P2RY10: variants seen among roughly 807,000 people sequenced by gnomAD.
P2RY10 encodes the protein putative P2Y purinoceptor 10.
Under a neutral mutation model 12.1 loss-of-function variants are expected in P2RY10, and 4 were observed. The ratio of observed to expected loss-of-function variants is 0.33; its 90% CI spans 0.16 to 0.76. The LOEUF is 0.76. Among genes scored for constraint, P2RY10 ranks in the 30% least tolerant of loss-of-function variants. The pLI, the probability that P2RY10 is intolerant of heterozygous loss-of-function variation, is 0.61. For synonymous variants in P2RY10, 112 were observed against 94.1 expected (o/e 1.19, Z -1.10); for missense variants, 233 against 264.6 (o/e 0.88, Z 0.83).
At chrX:78,952,123 A>G (rs1445744869) in intron 2 of P2RY10, 70 bp from the exon 3 acceptor site, 2 of 481,845 alleles carry the variant, frequency 4.2e-6, no homozygotes, top group Non-Finnish European at 5.1e-6. Context: ...TATAGTATTT[A>G]GAGACACACT....
At position 78,963,701 on chromosome X, in the gene P2RY10, A is replaced by C. The variant is rs1048320665; in HGVS notation, c.*2161A>C. Among the ~76,000 whole-genome samples the C allele has an allele frequency of 8.9e-6, 1 of 112,384 alleles. No individual in the cohort carries two copies. Among genetic ancestry groups the C allele is most frequent in the African/African-American group, 3.2e-5 (1 of 30,944 alleles). ...TAATGTGGTGAGAGAGAAAAACATA[A>C]AAATATAAAAACATTCAAGCAATCG... On this transcript the variant is annotated 3_prime_UTR_variant, in exon 4 of 4. Transcript: ENST00000171757.
In P2RY10 at chrX:78,961,237, G is replaced by A. The variant is rs1167121880; in HGVS notation, c.717G>A (p.Gln239=). ...CTTTCCAAGGGATCAGTGAGAGGCAGAAAGCACTGCGGATGGTGTTCATGT... is the reference window on the plus strand; with the variant it reads ...CTTTCCAAGGGATCAGTGAGAGGCAAAAAGCACTGCGGATGGTGTTCATGT... The part of the protein sequence containing the change: ...PMAFQGISER[Q]KALRMVFMCA... Residue 239 remains glutamine, a synonymous_variant, in exon 4 of 4, where the codon CAG becomes CAA. Coordinates refer to ENST00000171757, the MANE Select transcript of P2RY10 (RefSeq NM_014499.4). The A allele has an allele frequency of 3.3e-6, 4 of 1,208,859 alleles. No individual in the cohort carries two copies. The East Asian group carries it at 8.9e-5, about 27-fold the overall frequency.
chrX:78,954,212 G>A (rs1481332941), intron 3 of P2RY10, among the ~76,000 whole-genome samples: 3 of 110,910 alleles, frequency 2.7e-5, no homozygotes, highest in Non-Finnish European at 3.8e-5. Flanking sequence ...TGATGATATC[G>A]CATCTCTTCA....
chrX:78,950,165 G>A (rs1386463713), intron 2 of P2RY10, among the ~76,000 whole-genome samples: 1 of 111,281 alleles, frequency 9.0e-6, no homozygotes, highest in Non-Finnish European at 1.9e-5. Flanking sequence ...ACTTACTGAT[G>A]AGTGGTGAAA....
chrX:78,958,702 A>T (rs1380639318), intron 3 of P2RY10, among the ~76,000 whole-genome samples: 1 of 112,107 alleles, frequency 8.9e-6, no homozygotes, highest in African/African-American at 3.2e-5. Flanking sequence ...CATGATAATT[A>T]TTTCCTGCCT....
chrX:78,956,663 G>A (rs1224400969), intron 3 of P2RY10, among the ~76,000 whole-genome samples: 2 of 110,338 alleles, frequency 1.8e-5, no homozygotes, highest in Non-Finnish European at 3.8e-5. Context: ...ATGATGTATA[G>A]GATTACCTAG....
intron 3 of P2RY10, among the ~76,000 whole-genome samples, chrX:78,952,876 C>A (rs996710395): frequency 9.0e-6 from 1 of 111,603 alleles, no homozygotes; most frequent in Non-Finnish European, 1.9e-5. Context: ...AAATAGTCTT[C>A]CGAGAAAAGT....
intron 2 of P2RY10, among the ~76,000 whole-genome samples, chrX:78,951,638 G>GT (rs1922107302): frequency 9.0e-6 from 1 of 111,624 alleles, no homozygotes; most frequent in Non-Finnish European, 1.9e-5. Flanking sequence ...TGACCTCTGA[G>GT]TTGGGCTCCA....
At chrX:78,950,957 G>A (rs763554664) in intron 2 of P2RY10, among the ~76,000 whole-genome samples, 4 of 111,816 alleles carry the variant, frequency 3.6e-5, no homozygotes, top group African/African-American at 9.8e-5. Flanking sequence ...AAAGATTAGA[G>A]GTAACGTGAA....
intron 3 of P2RY10, among the ~76,000 whole-genome samples, chrX:78,958,126 T>C (rs1293469675): frequency 8.9e-6 from 1 of 112,403 alleles, no homozygotes; most frequent in Non-Finnish European, 1.9e-5. Context: ...GTGGCATAAG[T>C]AGGGACAGGT....
Position 78,961,733 on chromosome X carries a change from A to G in P2RY10, c.*193A>G, listed in dbSNP as rs1186167051. The stretch of plus-strand genomic sequence containing the variant: ...TGAAAAACGTGAGAGAGGAAGAGAA[A>G]ATAGATTTACCTGATTCCTCTTTAA... On this transcript the variant is annotated 3_prime_UTR_variant, in exon 4 of 4. Transcript: ENST00000171757. 2.9e-6 allele frequency: 1 copy of G among 343,590 alleles called. No individual in the cohort carries two copies. Among genetic ancestry groups the G allele is most frequent in the African/African-American group, 2.7e-5 (1 of 37,287 alleles). The allele number at this position is 343,590 out of a possible 1,213,427, so 28.3% of individuals were successfully genotyped here.
intron 3 of P2RY10, among the ~76,000 whole-genome samples, chrX:78,953,309 T>A (rs1922189361): frequency 8.9e-6 from 1 of 111,793 alleles, no homozygotes; most frequent in African/African-American, 3.3e-5. Context: ...ATATTGAAGG[T>A]TTCTGGAAAT....
At chrX:78,958,471 G>A (rs1009403409) in intron 3 of P2RY10, among the ~76,000 whole-genome samples, 11 of 112,106 alleles carry the variant, frequency 9.8e-5, no homozygotes, top group Non-Finnish European at 1.3e-4. Context: ...AATACCACAC[G>A]CTTCAGAGCA....
intron 1 of P2RY10, among the ~76,000 whole-genome samples, chrX:78,946,805 A>C: frequency 8.9e-6 from 1 of 112,392 alleles, no homozygotes; most frequent in Non-Finnish European, 1.9e-5. Context: ...TTTGGGGCTC[A>C]ACTGGGAAAG....
rs772250631 is a variant in P2RY10, at chrX:78,961,188, T to C, written c.668T>C (p.Ile223Thr). Residue 223 changes from isoleucine (I) to threonine (T), a missense_variant, in exon 4 of 4, where the codon ATA becomes ACA. Coordinates refer to ENST00000171757, the MANE Select transcript of P2RY10 (RefSeq NM_014499.4). ...IIAWCTWKTT[I>T]SLRQPPMAFQ... ...GCATGGTGTACCTGGAAAACTACTA[T>C]ATCCTTGAGACAGCCACCAATGGCT... 1.7e-6 allele frequency: 2 copies of C among 1,210,114 alleles called. No homozygotes were observed. The highest frequency in any genetic ancestry group is 3.5e-5 in the South Asian group (2 of 56,948).
chrX:78,951,445 G>A (rs1284354819), intron 2 of P2RY10, among the ~76,000 whole-genome samples: 1 of 111,454 alleles, frequency 9.0e-6, no homozygotes, highest in Non-Finnish European at 1.9e-5. Context: ...TCATGGGAGA[G>A]ACTTTACAAG....
intron 3 of P2RY10, among the ~76,000 whole-genome samples, chrX:78,959,337 G>A (rs1017347182): frequency 1.3e-4 from 14 of 111,055 alleles, no homozygotes; most frequent in African/African-American, 4.6e-4. Flanking sequence ...TATGTGGAGA[G>A]TGAATTTGAT....
chrX:78,954,687 G>A (rs934329667), intron 3 of P2RY10, among the ~76,000 whole-genome samples: 3 of 111,991 alleles, frequency 2.7e-5, no homozygotes, highest in Admixed American at 1.9e-4. Context: ...CAACAACCAT[G>A]GATTATTTTT....
chrX:78,954,289 G>A (rs894654073), intron 3 of P2RY10, among the ~76,000 whole-genome samples: 5 of 111,198 alleles, frequency 4.5e-5, no homozygotes, highest in Admixed American at 1.9e-4. Flanking sequence ...TTCATGACCC[G>A]GTAACTTCTA....
Sources: allele counts gnomAD v4.1 joint callset (sites outside exome capture counted in the v4.1 genomes callset), GRCh38; gene constraint gnomAD v4.1.1; transcripts MANE v1.5; gene names NCBI Gene and HGNC (gene_info 2026-07-23, HGNC 2026-07-21).